The following ASAP1 variants were observed in gnomAD, a reference collection of about 807,000 sequenced individuals.
The protein encoded by ASAP1 is arf-GAP with SH3 domain, ANK repeat and PH domain-containing protein 1.
A neutral mutation model predicts 145.2 loss-of-function variants in ASAP1; 43 were observed. The observed-to-expected ratio is 0.30, with a 90% confidence interval of 0.23 to 0.38. The LOEUF (loss-of-function observed/expected upper bound fraction) is 0.38. Ranked by LOEUF, ASAP1 falls within the 10% of genes least tolerant of loss-of-function variation. The pLI is 1.00. For missense variants in ASAP1, 1,018 were observed against 1,355.3 expected, an observed-to-expected ratio of 0.75 and a Z score of 3.91; for synonymous variants, 546 against 515.5, an observed-to-expected ratio of 1.06 and a Z score of -0.80.
chr8:130,340,858 T>C, intron 3 of ASAP1: 1 of 455,814 alleles, frequency 2.2e-6, no homozygotes, highest in Non-Finnish European at 4.4e-6. Flanking sequence ...ACTCTTATGA[T>C]GGCTCCTGCA....
intron 3 of ASAP1, among the ~76,000 whole-genome samples, chr8:130,286,117 T>C (rs2994296): frequency 0.9 from 137,149 of 152,240 alleles, 61,983 homozygotes; most frequent in African/African-American, 0.96. Flanking sequence ...TGCTATTTTC[T>C]AAATGAAGAA....
chr8:130,099,340 G>A (rs2097524579), intron 24 of ASAP1, among the ~76,000 whole-genome samples: 1 of 151,884 alleles, frequency 6.6e-6, no homozygotes, highest in South Asian at 2.1e-4. Context: ...CACCACGCCT[G>A]GCTAATTTTT....
At chr8:130,320,098 C>T (rs6985563) in intron 3 of ASAP1, among the ~76,000 whole-genome samples, 85,470 of 152,074 alleles carry the variant, frequency 0.56, 24,376 homozygotes, top group East Asian at 0.69. Flanking sequence ...AAATTACTTA[C>T]AATGTTCTTT....
intron 24 of ASAP1, among the ~76,000 whole-genome samples, chr8:130,110,064 T>C (rs574992327): frequency 6.6e-6 from 1 of 152,336 alleles, no homozygotes; most frequent in Non-Finnish European, 1.5e-5. Context: ...TAAATAAATT[T>C]AGTCTTTGTC....
intron 3 of ASAP1, among the ~76,000 whole-genome samples, chr8:130,286,528 C>G (rs1821624413): frequency 6.6e-6 from 1 of 152,188 alleles, no homozygotes; most frequent in Non-Finnish European, 1.5e-5. Flanking sequence ...TCCTGAGTTT[C>G]TAATCCTGCT....
At chr8:130,252,222 T>C (rs1459388999) in intron 3 of ASAP1, among the ~76,000 whole-genome samples, 1 of 152,198 alleles carries the variant, frequency 6.6e-6, no homozygotes, top group African/African-American at 2.4e-5. Context: ...CTAATACATA[T>C]GTGCAGATAT....
intron 18 of ASAP1, chr8:130,118,886 T>C (rs772119495): frequency 2.3e-5 from 7 of 299,042 alleles, no homozygotes; most frequent in Non-Finnish European, 4.3e-5. Flanking sequence ...GTAATAGATA[T>C]AGTTACAAAG....
intron 5 of ASAP1, among the ~76,000 whole-genome samples, chr8:130,207,151 C>G (rs1816279216): frequency 1.3e-5 from 2 of 151,862 alleles, no homozygotes; most frequent in Admixed American, 1.3e-4. Flanking sequence ...AATACACTAA[C>G]TACTAAGGGG....
intron 25 of ASAP1, among the ~76,000 whole-genome samples, chr8:130,087,194 G>A (rs2097495355): frequency 6.6e-6 from 1 of 152,112 alleles, no homozygotes. Flanking sequence ...AAACACAAAT[G>A]TCGGGGAACC....
At chr8:130,095,040 T>A (rs148607950) in intron 24 of ASAP1, among the ~76,000 whole-genome samples, 228 of 152,296 alleles carry the variant, frequency 1.5e-3, no homozygotes, top group Non-Finnish European at 2.2e-3. Flanking sequence ...CCATAAACCA[T>A]GTAAAATCCA....
At chr8:130,379,932 C>T (rs1040116668) in intron 2 of ASAP1, among the ~76,000 whole-genome samples, 3 of 152,196 alleles carry the variant, frequency 2.0e-5, no homozygotes, top group Non-Finnish European at 4.4e-5. Flanking sequence ...GCTCCTTGTC[C>T]TCAGGCTCAA....
At chr8:130,344,320 A>G (rs1825570552) in intron 3 of ASAP1, among the ~76,000 whole-genome samples, 2 of 152,258 alleles carry the variant, frequency 1.3e-5, no homozygotes, top group Admixed American at 1.3e-4. Flanking sequence ...CAGCGACTGA[A>G]TATTTAATGA....
intron 26 of ASAP1, 137 bp downstream of exon 26, chr8:130,079,765 T>G: frequency 1.2e-6 from 1 of 806,538 alleles, no homozygotes; most frequent in Non-Finnish European, 2.1e-6. Flanking sequence ...GAACGTCTGG[T>G]TTCTTGTTGT....
At chr8:130,201,620 G>C (rs976649712) in intron 5 of ASAP1, among the ~76,000 whole-genome samples, 6 of 152,152 alleles carry the variant, frequency 3.9e-5, no homozygotes, top group Admixed American at 2.0e-4. Context: ...AGGGGAAGTA[G>C]CTAGGATTTA....
chr8:130,372,314 T>C (rs768326648), intron 2 of ASAP1, among the ~76,000 whole-genome samples: 3 of 151,496 alleles, frequency 2.0e-5, no homozygotes, highest in Admixed American at 1.3e-4. Context: ...AGGAAGATGA[T>C]AAAGCTCAAA....
At chr8:130,145,465 G>A (rs866710353) in intron 13 of ASAP1, among the ~76,000 whole-genome samples, 4 of 151,972 alleles carry the variant, frequency 2.6e-5, no homozygotes, top group Admixed American at 6.6e-5. Flanking sequence ...TTACAGGCAC[G>A]CGCCACCACA....
intron 15 of ASAP1, among the ~76,000 whole-genome samples, chr8:130,130,242 A>G (rs1008585509): frequency 2.6e-5 from 4 of 152,196 alleles, no homozygotes; most frequent in Admixed American, 6.5e-5. Context: ...AGGGTTTATA[A>G]TACTTTATAG....
intron 2 of ASAP1, among the ~76,000 whole-genome samples, chr8:130,389,389 A>G (rs1314272040): frequency 6.6e-6 from 1 of 152,236 alleles, no homozygotes; most frequent in Non-Finnish European, 1.5e-5. Context: ...TGACTAATGC[A>G]CTAATTGTGT....
intron 25 of ASAP1, among the ~76,000 whole-genome samples, chr8:130,089,774 T>C (rs2097501682): frequency 6.6e-6 from 1 of 152,252 alleles, no homozygotes; most frequent in Non-Finnish European, 1.5e-5. Context: ...GACCTGTGTC[T>C]GTAGACAGTA....
Sources: allele counts gnomAD v4.1 joint callset (sites outside exome capture counted in the v4.1 genomes callset), GRCh38; gene constraint gnomAD v4.1.1; transcripts MANE v1.5; gene names NCBI Gene and HGNC (gene_info 2026-07-23, HGNC 2026-07-21).